Variants in CEP170 observed in about 807,000 individuals in gnomAD.
The protein encoded by CEP170 is centrosomal protein of 170 kDa.
Under a neutral mutation model 151.9 loss-of-function variants are expected in CEP170, and 21 were observed. The observed-to-expected ratio is 0.14, with a 90% CI of 0.10 to 0.20. The LOEUF (loss-of-function observed/expected upper bound fraction) is 0.20. Among genes scored for constraint, CEP170 ranks in the 10% least tolerant of loss-of-function variants. CEP170 has a pLI of 1.00. For missense variants in CEP170, 964 were observed against 1,892.9 expected (o/e 0.51, Z 9.11); for synonymous variants, 356 against 648.8 (o/e 0.55, Z 6.86).
At chr1:243,212,688 T>TCTC (rs1553383611) in intron 3 of CEP170, among the ~76,000 whole-genome samples, 1 of 149,802 alleles carries the variant, frequency 6.7e-6, no homozygotes, top group African/African-American at 2.4e-5. Context: ...ATTTTCTTTC[T>TCTC]TCTCTCTCTC....
In CEP170 at chr1:243,225,309, A is replaced by G. The variant is rs188102252; in HGVS notation, c.-29T>C. ...CTGCTTAGCTTCTAAGTCTTTGGCA[A>G]AGCTACGTCATCCTGAAGAGAAACA... On this transcript the variant is annotated 5_prime_UTR_variant, in exon 2 of 20. Coordinates refer to ENST00000366542, the MANE Select transcript of CEP170 (RefSeq NM_014812.3). The G allele has an allele frequency of 2.9e-6, 4 of 1,378,918 alleles. No individual in the cohort carries two copies. Among genetic ancestry groups the G allele is most frequent in the Non-Finnish European group, 4.0e-6 (4 of 1,004,094 alleles). 85.4% of individuals were successfully genotyped at this position (1,378,918 alleles called of 1,614,324 possible). A position where few individuals can be genotyped will look rare whatever the true frequency, so the allele number is the denominator to read the frequency against.
intron 1 of CEP170, among the ~76,000 whole-genome samples, chr1:243,235,245 G>A (rs891215309): frequency 2.0e-5 from 3 of 152,130 alleles, no homozygotes; most frequent in African/African-American, 4.8e-5. Context: ...AGGATAACTC[G>A]GGTGGTGCTC....
At chr1:243,249,418 AAAATAAATAAATAAATAAAT>A (rs74729358) in intron 1 of CEP170, among the ~76,000 whole-genome samples, 4 of 148,306 alleles carry the variant, frequency 2.7e-5, no homozygotes, top group Non-Finnish European at 6.0e-5. Flanking sequence ...ACTCTGTCTC[AAAATAAATAAATAAATAAAT>A]AAATAAATAA....
chr1:243,186,089 A>T lies in CEP170; in HGVS notation c.1273-17T>A, dbSNP rs780529546. 1.2e-6 allele frequency: 2 copies of T among 1,613,394 alleles called. No individual in the cohort carries two copies. The highest frequency in any genetic ancestry group is 2.7e-5 in the African/African-American group (2 of 74,896). ...AGAGCTAGTCTGTAAAGACAAAGAAACCACTTTGGCATCTGCTGTTGGAGA... is the reference window on the plus strand; with the variant it reads ...AGAGCTAGTCTGTAAAGACAAAGAATCCACTTTGGCATCTGCTGTTGGAGA... On this transcript the variant is annotated splice_polypyrimidine_tract_variant and intron_variant, in intron 9 of 19. Coordinates refer to ENST00000366542, the MANE Select transcript of CEP170 (RefSeq NM_014812.3).
intron 4 of CEP170, among the ~76,000 whole-genome samples, chr1:243,201,198 G>A (rs1333462128): frequency 6.6e-6 from 1 of 151,976 alleles, no homozygotes; most frequent in African/African-American, 2.4e-5. Context: ...TCACAAAAAT[G>A]TAAGGAAATA....
chr1:243,169,808 T>C, intron 11 of CEP170, 54 bp from the exon 12 acceptor site: 1 of 1,570,264 alleles, frequency 6.4e-7, no homozygotes, highest in South Asian at 1.2e-5. Context: ...TATCTGAGTC[T>C]CATGAAAGAC....
rs574086694 is a variant in CEP170, at chr1:243,176,018, C to G, written c.1567-3172G>C. 2.8e-4 allele frequency among the ~76,000 whole-genome samples: 42 copies of G among 152,226 alleles called. No homozygotes were observed. The South Asian group carries it at 7.1e-3, about 26-fold the overall frequency. ...TCACCGTGTTAGCCAGGATGGTCTC[C>G]ATCTCCTGACCTCATCATCTGCCTG... is the stretch of plus-strand genomic sequence containing the variant. On this transcript the variant is annotated intron_variant, in intron 10 of 19. Coordinates refer to ENST00000366542, the MANE Select transcript of CEP170 (RefSeq NM_014812.3).
intron 10 of CEP170, among the ~76,000 whole-genome samples, chr1:243,178,196 G>T (rs1259412820): frequency 3.3e-5 from 5 of 150,754 alleles, no homozygotes; most frequent in Non-Finnish European, 7.4e-5. Flanking sequence ...GGGCGTGGTG[G>T]CAAGTGCTTG....
intron 13 of CEP170, among the ~76,000 whole-genome samples, chr1:243,162,595 T>TA (rs1343589900): frequency 7.9e-4 from 120 of 152,340 alleles, no homozygotes; most frequent in African/African-American, 2.7e-3. Flanking sequence ...TATAGCATCT[T>TA]ACAGTTGTTT....
At chr1:243,176,488 C>CTTTA (rs149312468) in intron 10 of CEP170, among the ~76,000 whole-genome samples, 1 of 9,390 alleles carries the variant, frequency 1.1e-4, no homozygotes, top group East Asian at 0.5. Flanking sequence ...GTAGATACAT[C>CTTTA]TCTGTGGAGT....
Position 243,212,060 on chromosome 1 carries a change from A to G in CEP170, c.196-96T>C, listed in dbSNP as rs1485081180. 14 of 1,212,884 alleles carry G rather than the reference A, an allele frequency of 1.2e-5. No homozygotes were observed. The Admixed American group carries it at 1.4e-4, about 12-fold the overall frequency. 75.1% of individuals were successfully genotyped at this position (1,212,884 alleles called of 1,614,324 possible). ...TCTCAAATCTGAGAGTTAAAAGCAC[A>G]TATCATACGGTGGCTAATACAGCCT... On this transcript the variant is annotated intron_variant, in intron 3 of 19. Transcript: ENST00000366542.
At chr1:243,230,518 G>A (rs1268079732) in intron 1 of CEP170, among the ~76,000 whole-genome samples, 1 of 152,016 alleles carries the variant, frequency 6.6e-6, no homozygotes, top group South Asian at 2.1e-4. Flanking sequence ...TAGCAAAACA[G>A]TGTATGAAAA....
intron 1 of CEP170, among the ~76,000 whole-genome samples, chr1:243,245,576 T>C (rs1337675689): frequency 2.0e-5 from 3 of 151,680 alleles, no homozygotes; most frequent in African/African-American, 7.3e-5. Context: ...TAGCCAGGTG[T>C]GGTGGTGTGT....
intron 3 of CEP170, among the ~76,000 whole-genome samples, chr1:243,219,211 A>G (rs1273654296): frequency 6.6e-6 from 1 of 152,240 alleles, no homozygotes; most frequent in Non-Finnish European, 1.5e-5. Context: ...TTTAATCCTC[A>G]TAACAATACT....
chr1:243,199,609 C>T (rs1331036201), intron 6 of CEP170, among the ~76,000 whole-genome samples: 1 of 152,110 alleles, frequency 6.6e-6, no homozygotes, highest in Non-Finnish European at 1.5e-5. Context: ...TCAGAAATGG[C>T]TCATTAAGAC....
chr1:243,196,526 C>A (rs753075475), intron 7 of CEP170, among the ~76,000 whole-genome samples: 4 of 152,116 alleles, frequency 2.6e-5, no homozygotes, highest in African/African-American at 4.8e-5. Context: ...TACATATACA[C>A]TTCACTGTAT....
At chr1:243,147,827 T>C (rs1463005016) in intron 14 of CEP170, among the ~76,000 whole-genome samples, 1 of 152,172 alleles carries the variant, frequency 6.6e-6, no homozygotes, top group East Asian at 1.9e-4. Context: ...AATTTTCAAT[T>C]TGGAATCTTA....
chr1:243,235,226 A>G (rs1051513247), intron 1 of CEP170, among the ~76,000 whole-genome samples: 2 of 152,216 alleles, frequency 1.3e-5, no homozygotes, highest in African/African-American at 4.8e-5. Context: ...ATGAAAAAAC[A>G]AAGAGGACAG....
chr1:243,221,933 G>A (rs1358842825), intron 2 of CEP170, 120 bp from the exon 3 acceptor site: 1 of 846,698 alleles, frequency 1.2e-6, no homozygotes, highest in Non-Finnish European at 1.8e-6. Flanking sequence ...CAAAGTAAGT[G>A]TGGATTAAAT....
Sources: gnomAD v4.1 joint callset for allele counts (sites outside exome capture counted in the v4.1 genomes callset) on GRCh38, gnomAD v4.1.1 for gene constraint, MANE v1.5 for transcripts, NCBI Gene and HGNC (gene_info 2026-07-23, HGNC 2026-07-21) for gene names.